CCDC88C: variants seen among roughly 807,000 people sequenced by gnomAD.
CCDC88C encodes coiled-coil and HOOK domain protein 88C, also known as protein Daple.
A neutral mutation model predicts 198.8 loss-of-function variants in CCDC88C; 131 were observed. The observed-to-expected ratio is 0.66, with a 90% CI of 0.57 to 0.76. CCDC88C has a LOEUF of 0.76. Among genes scored for constraint, CCDC88C ranks in the 30% least tolerant of loss-of-function variants. The pLI is 0.00. For missense variants in CCDC88C, 2,553 were observed against 2,631.6 expected (o/e 0.97, Z 0.65); for synonymous variants, 1,166 against 1,114.7 (o/e 1.05, Z -0.92).
At chr14:91,390,088 A>T (rs916795245) in intron 3 of CCDC88C, among the ~76,000 whole-genome samples, 2 of 151,784 alleles carry the variant, frequency 1.3e-5, no homozygotes, top group African/African-American at 4.9e-5. Flanking sequence ...AAAGAAAAAG[A>T]AAAAGGATAA....
At chr14:91,412,921 CAT>C (rs1468263194) in intron 2 of CCDC88C, among the ~76,000 whole-genome samples, 1 of 152,138 alleles carries the variant, frequency 6.6e-6, no homozygotes, top group Non-Finnish European at 1.5e-5. Flanking sequence ...AAAAGGGAAA[CAT>C]AAACTCTCCT....
intron 20 of CCDC88C, among the ~76,000 whole-genome samples, chr14:91,302,309 A>C (rs1330871129): frequency 6.6e-6 from 1 of 152,216 alleles, no homozygotes; most frequent in Non-Finnish European, 1.5e-5. Flanking sequence ...TTTCCCAGGC[A>C]AAGGAAGTAG....
At position 91,324,760 on chromosome 14, in the gene CCDC88C, G is replaced by A. The variant is rs1334158168; in HGVS notation, c.1342+19C>T. 8.7e-6 allele frequency: 14 copies of A among 1,606,966 alleles called. No individual in the cohort carries two copies. The highest frequency in any genetic ancestry group is 3.3e-5 in the Admixed American group (2 of 59,998). ...GCGGCCACGGCCAGGCTGGCTCCCC[G>A]GCACCAGGCGCTACCTACCGTCTGA... On this transcript the variant is annotated intron_variant, in intron 12 of 29. Coordinates refer to ENST00000389857, the MANE Select transcript of CCDC88C (RefSeq NM_001080414.4).
At chr14:91,295,177 A>G (rs925162228) in intron 22 of CCDC88C, among the ~76,000 whole-genome samples, 11 of 152,232 alleles carry the variant, frequency 7.2e-5, no homozygotes, top group African/African-American at 2.7e-4. Flanking sequence ...TTCTAACTTT[A>G]ACTTCACCAT....
At chr14:91,355,072 C>T (rs893633127) in intron 4 of CCDC88C, among the ~76,000 whole-genome samples, 1 of 152,126 alleles carries the variant, frequency 6.6e-6, no homozygotes, top group Non-Finnish European at 1.5e-5. Flanking sequence ...AAATGACAGT[C>T]GGCTGACCTG....
At chr14:91,412,242 C>T (rs1352652480) in intron 2 of CCDC88C, among the ~76,000 whole-genome samples, 1 of 151,620 alleles carries the variant, frequency 6.6e-6, no homozygotes, top group Non-Finnish European at 1.5e-5. Flanking sequence ...TGCTAAAAAA[C>T]AATAGCAAGA....
intron 26 of CCDC88C, among the ~76,000 whole-genome samples, chr14:91,282,062 G>A (rs1400658647): frequency 6.6e-6 from 1 of 152,172 alleles, no homozygotes; most frequent in Admixed American, 6.5e-5. Flanking sequence ...CTTTCCCTGA[G>A]GACTGGAAAA....
At chr14:91,390,810 G>C (rs907692873) in intron 3 of CCDC88C, among the ~76,000 whole-genome samples, 1 of 152,094 alleles carries the variant, frequency 6.6e-6, no homozygotes, top group Non-Finnish European at 1.5e-5. Flanking sequence ...TCCTTTACCT[G>C]GTCTCCCATC....
intron 1 of CCDC88C, 64 bp downstream of exon 1, chr14:91,417,567 C>T (rs1287517278): frequency 6.8e-7 from 1 of 1,479,978 alleles, no homozygotes; most frequent in Admixed American, 1.9e-5. Flanking sequence ...TCTGCGGCGT[C>T]CCGTCGCCGG....
chr14:91,407,801 T>C (rs1886585618), intron 3 of CCDC88C, among the ~76,000 whole-genome samples: 1 of 152,128 alleles, frequency 6.6e-6, no homozygotes, highest in South Asian at 2.1e-4. Flanking sequence ...TGTTTGTTTT[T>C]GAGATGGAGT....
At chr14:91,378,942 C>A (rs1649155227) in intron 3 of CCDC88C, 1 of 152,162 alleles carries the variant, frequency 6.6e-6, no homozygotes, top group Non-Finnish European at 1.5e-5. Flanking sequence ...TGCAGAAGGG[C>A]TGTAAAGTCC....
intron 3 of CCDC88C, among the ~76,000 whole-genome samples, chr14:91,400,726 T>C (rs1045688977): frequency 1.6e-4 from 25 of 152,160 alleles, no homozygotes; most frequent in Non-Finnish European, 3.2e-4. Context: ...TTTGTTAAAA[T>C]AGCTGCATTT....
chr14:91,362,745 T>C (rs896915075), intron 3 of CCDC88C, among the ~76,000 whole-genome samples: 1 of 152,056 alleles, frequency 6.6e-6, no homozygotes, highest in African/African-American at 2.4e-5. Context: ...CTGGCTAACA[T>C]GGTGAAACCC....
At position 91,281,652 on chromosome 14, in the gene CCDC88C, A is replaced by C. The variant is rs1290582589; in HGVS notation, c.4631-127T>G. The C allele has an allele frequency of 1.5e-5, 12 of 776,174 alleles. No individual in the cohort carries two copies. The Admixed American group carries it at 2.5e-4, about 16-fold the overall frequency. 48.1% of individuals were successfully genotyped at this position (776,174 alleles called of 1,614,324 possible). ...TCTTGGGGATGAGGGAATGGCATGCAGATGCTGCCTTTGGGACCTGCCTCT... is the reference window on the plus strand; with the variant it reads ...TCTTGGGGATGAGGGAATGGCATGCCGATGCTGCCTTTGGGACCTGCCTCT... On this transcript the variant is annotated intron_variant, in intron 26 of 29. Transcript: ENST00000389857.
Position 91,290,988 on chromosome 14 carries a change from A to C in CCDC88C, c.4202+7T>G. On this transcript the variant is annotated splice_region_variant and intron_variant, in intron 24 of 29. Transcript: ENST00000389857. ...GTCTTTATGCCACTACACTTAAATC[A>C]ACTCACTTCTTTGGAGGAGGATCAT... is the stretch of plus-strand genomic sequence containing the variant. 1 of 1,538,052 alleles carries C rather than the reference A, an allele frequency of 6.5e-7. No individual in the cohort carries two copies. Among genetic ancestry groups the C allele is most frequent in the Non-Finnish European group, 8.9e-7 (1 of 1,119,356 alleles).
intron 4 of CCDC88C, among the ~76,000 whole-genome samples, chr14:91,347,385 T>C (rs1893590232): frequency 6.6e-6 from 1 of 152,188 alleles, no homozygotes; most frequent in Non-Finnish European, 1.5e-5. Flanking sequence ...AGAGGCTCAC[T>C]GATGGTGTTC....
At chr14:91,283,298 G>A (rs1021876421) in intron 26 of CCDC88C, 31 bp downstream of exon 26, 15 of 1,605,096 alleles carry the variant, frequency 9.3e-6, no homozygotes, top group African/African-American at 1.3e-5. Context: ...TAGGCCCGAC[G>A]CTCATGGCTC....
chr14:91,387,816 G>A (rs148798295), intron 3 of CCDC88C, among the ~76,000 whole-genome samples: 22 of 152,312 alleles, frequency 1.4e-4, no homozygotes, highest in African/African-American at 4.3e-4. Context: ...CCACTTAATG[G>A]CCCATGTTTC....
At chr14:91,375,479 T>C (rs1170499524) in intron 3 of CCDC88C, among the ~76,000 whole-genome samples, 1 of 150,666 alleles carries the variant, frequency 6.6e-6, no homozygotes, top group African/African-American at 2.5e-5. Context: ...CAGATGTGGG[T>C]GAGGTGGGGA....
Sources: gnomAD v4.1 joint callset for allele counts (sites outside exome capture counted in the v4.1 genomes callset) on GRCh38, gnomAD v4.1.1 for gene constraint, MANE v1.5 for transcripts, NCBI Gene and HGNC (gene_info 2026-07-23, HGNC 2026-07-21) for gene names.